Variants in CHST15 observed in about 807,000 individuals in gnomAD.
CHST15 encodes carbohydrate sulfotransferase 15, also known as B cell RAG associated protein (GALNAC4S-6ST).
Under a neutral mutation model 53.6 loss-of-function variants are expected in CHST15, and 30 were observed. That is an observed-to-expected ratio of 0.56 (90% CI 0.42 to 0.76). The LOEUF is 0.76. CHST15 is among the 30% of genes least tolerant of loss of function. The probability of loss-of-function intolerance (pLI) is 0.00; values close to 1 mark genes in which losing one functional copy is unlikely to be tolerated. For synonymous variants in CHST15, 296 were observed against 289.8 expected, an observed-to-expected ratio of 1.02 and a Z score of -0.22; for missense variants, 627 against 740.5, an observed-to-expected ratio of 0.85 and a Z score of 1.78.
At chr10:124,070,674 C>A (rs900845563) in intron 1 of CHST15, among the ~76,000 whole-genome samples, 1 of 152,118 alleles carries the variant, frequency 6.6e-6, no homozygotes, top group South Asian at 2.1e-4. Context: ...TGTGCCCGGC[C>A]CTCAATAAAG....
chr10:124,011,076 G>A, intron 7 of CHST15: 6 of 983,320 alleles, frequency 6.1e-6, no homozygotes, highest in Non-Finnish European at 7.2e-6. Context: ...GCCGGGAGGG[G>A]CTGTCAGTCA....
chr10:124,044,690 A>G lies in CHST15; in HGVS notation c.776T>C (p.Ile259Thr). 1 of 1,613,886 alleles carries G rather than the reference A, an allele frequency of 6.2e-7. No individual in the cohort carries two copies. Among genetic ancestry groups the G allele is most frequent in the East Asian group, 2.2e-5 (1 of 44,844 alleles). The change falls in exon 3 of 8, where the codon ATA becomes ACA. Residue 259 changes from isoleucine (I) to threonine (T), a missense_variant. This residue lies in a region of CHST15 where 161 missense variants were observed against 117.2 expected (regional missense o/e 1.37). Coordinates refer to ENST00000435907, the MANE Select transcript of CHST15 (RefSeq NM_001270764.2). Reference protein sequence around the residue: ...RLRCLPHFYIIGQPKCGTTDL... With the variant: ...RLRCLPHFYITGQPKCGTTDL... Reference sequence around the variant, plus strand: ...TGTGGTCCCGCACTTGGGCTGCCCTATGATGTAGAAGTGCGGCAGGCAGCG... The same window carrying G: ...TGTGGTCCCGCACTTGGGCTGCCCTGTGATGTAGAAGTGCGGCAGGCAGCG...
At chr10:124,082,280 C>A (rs545814031) in intron 1 of CHST15, among the ~76,000 whole-genome samples, 15 of 152,298 alleles carry the variant, frequency 9.8e-5, no homozygotes, top group African/African-American at 3.6e-4. Context: ...TTAGGGAGAA[C>A]TTTTGGAGTA....
In CHST15 at chr10:124,045,126, A is replaced by AAAC. The variant is rs1564882096; in HGVS notation, c.547-208_547-207insGTT. Among the ~76,000 whole-genome samples the AAAC allele has an allele frequency of 7.8e-5, 10 of 128,722 alleles. 1 individual carries two copies. Among genetic ancestry groups the AAAC allele is most frequent in the South Asian group, 2.5e-4 (1 of 4,078 alleles). 84.4% of individuals were successfully genotyped at this position (128,722 alleles called of 152,430 possible). On this transcript the variant is annotated intron_variant, in intron 2 of 7. Transcript: ENST00000435907. The stretch of plus-strand genomic sequence containing the variant: ...CCGCCGCCCCACAAAAAAAAAAAAA[A>AAAC]AAAAAAAAAAAAAAAAAACTTGGAG...
At chr10:124,041,440 A>G (rs1947737813) in intron 4 of CHST15, among the ~76,000 whole-genome samples, 1 of 152,216 alleles carries the variant, frequency 6.6e-6, no homozygotes, top group Non-Finnish European at 1.5e-5. Context: ...CTAGAGATCT[A>G]AGGTAGAGCA....
chr10:124,067,750 G>A (rs570911182), intron 1 of CHST15, among the ~76,000 whole-genome samples: 11 of 152,170 alleles, frequency 7.2e-5, no homozygotes, highest in Admixed American at 7.2e-4. Flanking sequence ...CCAAATAGCT[G>A]GGATTACAGG....
chr10:124,079,124 G>GA (rs78007525), intron 1 of CHST15, among the ~76,000 whole-genome samples: 9 of 151,226 alleles, frequency 6.0e-5, no homozygotes, highest in East Asian at 1.9e-4. Context: ...AAACTACTCA[G>GA]AAAAAAAAAT....
chr10:124,093,227 A>G (rs1949660211), intron 1 of CHST15, among the ~76,000 whole-genome samples: 1 of 151,768 alleles, frequency 6.6e-6, no homozygotes, highest in South Asian at 2.1e-4. Context: ...CGAGCTCGCA[A>G]GTTCATTGTC....
chr10:124,061,737 C>T (rs557059005), intron 1 of CHST15, among the ~76,000 whole-genome samples: 2 of 152,318 alleles, frequency 1.3e-5, no homozygotes, highest in South Asian at 4.1e-4. Context: ...TGGGCCTAGG[C>T]CTCCAGGACG....
At chr10:124,089,544 C>G (rs921162577) in intron 1 of CHST15, among the ~76,000 whole-genome samples, 2 of 152,090 alleles carry the variant, frequency 1.3e-5, no homozygotes, top group African/African-American at 4.8e-5. Context: ...CAGAGACCCC[C>G]TGACTTTCCA....
chr10:124,038,116 T>TA lies in CHST15; in HGVS notation c.1190+398_1190+399insT, dbSNP rs1564872358. On this transcript the variant is annotated intron_variant, in intron 5 of 7. Coordinates refer to ENST00000435907, the MANE Select transcript of CHST15 (RefSeq NM_001270764.2). The stretch of plus-strand genomic sequence containing the variant: ...TTGTTTGTTTTTATTTTATTTTATT[T>TA]TTTTTTTTGAGATGGAGTCTCACTC... Among the ~76,000 whole-genome samples the TA allele has an allele frequency of 5.3e-5, 8 of 151,806 alleles. No homozygotes were observed. In the East Asian group the frequency reaches 7.7e-4, roughly 15 times the overall value.
intron 1 of CHST15, among the ~76,000 whole-genome samples, chr10:124,092,799 C>A (rs1379430281): frequency 6.6e-6 from 1 of 152,364 alleles, no homozygotes; most frequent in South Asian, 2.1e-4. Flanking sequence ...CGTCCCCTAC[C>A]GCCAAACGAC....
intron 6 of CHST15, chr10:124,020,846 A>T (rs1324350139): frequency 8.0e-7 from 1 of 1,243,502 alleles, no homozygotes; most frequent in Non-Finnish European, 1.0e-6. Flanking sequence ...TCTGTCAAAG[A>T]AGCATTGAAA....
At chr10:124,063,373 C>T (rs1431561856) in intron 1 of CHST15, among the ~76,000 whole-genome samples, 1 of 151,878 alleles carries the variant, frequency 6.6e-6, no homozygotes, top group Non-Finnish European at 1.5e-5. Context: ...GACAGAGTGA[C>T]ACTCCGTCTC....
At chr10:124,086,951 C>G (rs926894144) in intron 1 of CHST15, among the ~76,000 whole-genome samples, 1 of 152,210 alleles carries the variant, frequency 6.6e-6, no homozygotes, top group Non-Finnish European at 1.5e-5. Flanking sequence ...CTGCCCCACC[C>G]AGTGCCTATG....
At chr10:124,050,209 C>T (rs1378029862) in intron 1 of CHST15, among the ~76,000 whole-genome samples, 1 of 152,166 alleles carries the variant, frequency 6.6e-6, no homozygotes, top group African/African-American at 2.4e-5. Context: ...CGGCGGCTTC[C>T]AGACAAGACC....
At chr10:124,047,021 C>T (rs1412184310) in intron 1 of CHST15, among the ~76,000 whole-genome samples, 1 of 152,236 alleles carries the variant, frequency 6.6e-6, no homozygotes, top group African/African-American at 2.4e-5. Flanking sequence ...ATCCCTCTGC[C>T]TTGATACTTC....
intron 1 of CHST15, among the ~76,000 whole-genome samples, chr10:124,082,199 T>C (rs28464076): frequency 0.28 from 42,082 of 151,998 alleles, 5,959 homozygotes; most frequent in Middle Eastern, 0.39. Context: ...AACCACCATC[T>C]GTTCACCCAA....
At chr10:124,050,296 G>A (rs1188111972) in intron 1 of CHST15, among the ~76,000 whole-genome samples, 1 of 152,290 alleles carries the variant, frequency 6.6e-6, no homozygotes, top group East Asian at 1.9e-4. Context: ...TGTCCCACCA[G>A]GGGTAGGGGC....
Sources: gnomAD v4.1 joint callset for allele counts (sites outside exome capture counted in the v4.1 genomes callset) on GRCh38, gnomAD v4.1.1 for gene constraint, gnomAD v4.1.1 regional missense constraint, MANE v1.5 for transcripts, NCBI Gene and HGNC (gene_info 2026-07-23, HGNC 2026-07-21) for gene names.